The following MCPH1 variants were observed in gnomAD, a reference collection of about 807,000 sequenced individuals.
The protein encoded by MCPH1 is microcephalin 1.
Under a neutral mutation model 84.5 loss-of-function variants are expected in MCPH1, and 104 were observed. That is an observed-to-expected ratio of 1.23 (90% CI 1.05 to 1.45). MCPH1 has a LOEUF of 1.45. Ranked by LOEUF, MCPH1 falls within the 40% of genes most tolerant of loss-of-function variation. The probability of loss-of-function intolerance (pLI) is 0.00; values close to 1 mark genes in which losing one functional copy is unlikely to be tolerated. For synonymous variants in MCPH1, 514 were observed against 366.8 expected, an observed-to-expected ratio of 1.40 and a Z score of -4.58; for missense variants, 1,498 against 1,005.7, an observed-to-expected ratio of 1.49 and a Z score of -6.62.
Position 6,563,828 on chromosome 8 carries a change from G to C in MCPH1, c.2215-57626G>C, listed in dbSNP as rs539043523. 2.8e-4 allele frequency among the ~76,000 whole-genome samples: 42 copies of C among 152,222 alleles called. 1 individual carries two copies. Among genetic ancestry groups the C allele is most frequent in the African/African-American group, 9.9e-4 (41 of 41,524 alleles). ...AAAGATCTGTTATTAAGTCACGTTA[G>C]AAACATCAGTTTCTGAGCTCTGACC... On this transcript the variant is annotated intron_variant, in intron 12 of 13. Transcript: ENST00000344683.
chr8:6,530,758 G>A lies in MCPH1; in HGVS notation c.2214+30829G>A, dbSNP rs75508285. 2.8e-4 allele frequency among the ~76,000 whole-genome samples: 43 copies of A among 152,260 alleles called. No individual in the cohort carries two copies. The East Asian group carries it at 6.9e-3, about 25-fold the overall frequency. On this transcript the variant is annotated intron_variant, in intron 12 of 13. Coordinates refer to ENST00000344683, the MANE Select transcript of MCPH1 (RefSeq NM_024596.5). ...AATTTGTTATTCTATTCTCTTATCT[G>A]TAAGTCTTTTGTTAATCTATCATTT...
At chr8:6,640,123 T>C (rs903462688) in intron 13 of MCPH1, among the ~76,000 whole-genome samples, 261 of 150,726 alleles carry the variant, frequency 1.7e-3, no homozygotes, top group African/African-American at 5.9e-3. Flanking sequence ...TGTGTGTGCG[T>C]GTGTGTGTGT....
chr8:6,470,919 G>T (rs543073291), intron 9 of MCPH1, among the ~76,000 whole-genome samples: 4 of 152,384 alleles, frequency 2.6e-5, no homozygotes, highest in South Asian at 2.1e-4. Flanking sequence ...CTACCATCCA[G>T]TTAGCAATTA....
intron 9 of MCPH1, among the ~76,000 whole-genome samples, chr8:6,467,968 G>C (rs968883729): frequency 6.6e-6 from 1 of 152,164 alleles, no homozygotes; most frequent in Non-Finnish European, 1.5e-5. Flanking sequence ...AGTAGCACTA[G>C]CCAGGAAATC....
At position 6,444,782 on chromosome 8, in the gene MCPH1, G is replaced by T. The variant is rs765416731; in HGVS notation, c.1060G>T (p.Val354Leu). ...ACATTCAAGACCCAGGAGTTCCTCA[G>T]TAAAGAGAAAAAGAGTATCACATGG... ...LIHSRPRSSSVKRKRVSHGSH... is the reference protein window; with the variant it reads ...LIHSRPRSSSLKRKRVSHGSH... Residue 354 changes from valine to leucine, a missense_variant, in exon 8 of 14, where the codon GTA becomes TTA. Coordinates refer to ENST00000344683, the MANE Select transcript of MCPH1 (RefSeq NM_024596.5). The T allele has an allele frequency of 2.5e-6, 4 of 1,614,036 alleles. No homozygotes were observed. The East Asian group carries it at 6.7e-5, about 27-fold the overall frequency.
chr8:6,475,649 C>T (rs560831172), intron 9 of MCPH1, among the ~76,000 whole-genome samples: 1 of 152,252 alleles, frequency 6.6e-6, no homozygotes, highest in East Asian at 1.9e-4. Flanking sequence ...CCCAGGTCAC[C>T]AGAAGAATGA....
intron 1 of MCPH1, 57 bp downstream of exon 1, chr8:6,406,746 C>A (rs372412607): frequency 2.8e-4 from 443 of 1,589,832 alleles, no homozygotes; most frequent in Non-Finnish European, 3.5e-4. Flanking sequence ...CGGCACCCCT[C>A]GTCGCGGGCG....
intron 12 of MCPH1, chr8:6,616,650 C>T (rs1054557645): frequency 1.8e-4 from 27 of 152,272 alleles, no homozygotes; most frequent in African/African-American, 6.0e-4. Context: ...CTTCTGGCTT[C>T]TGCCACTGCC....
At chr8:6,518,117 C>T (rs1327154684) in intron 12 of MCPH1, among the ~76,000 whole-genome samples, 1 of 152,142 alleles carries the variant, frequency 6.6e-6, no homozygotes. Flanking sequence ...GGGTGGGAAG[C>T]TTGCACTTAG....
At chr8:6,600,068 C>T (rs1027930343) in intron 12 of MCPH1, among the ~76,000 whole-genome samples, 2 of 152,238 alleles carry the variant, frequency 1.3e-5, no homozygotes, top group Admixed American at 1.3e-4. Flanking sequence ...TAATAGTTCG[C>T]TTCATGCTAA....
At chr8:6,556,592 C>A (rs899055277) in intron 12 of MCPH1, among the ~76,000 whole-genome samples, 8 of 151,900 alleles carry the variant, frequency 5.3e-5, no homozygotes, top group Non-Finnish European at 1.2e-4. Context: ...CCCCCTGGGG[C>A]AAGACTCTTG....
At chr8:6,439,119 G>A in intron 6 of MCPH1, 23 bp downstream of exon 6, 1 of 1,607,524 alleles carries the variant, frequency 6.2e-7, no homozygotes, top group Non-Finnish European at 8.5e-7. Flanking sequence ...TTTGTAAAAT[G>A]AAAATTATGC....
At chr8:6,624,787 C>A in intron 13 of MCPH1, 1 of 984,786 alleles carries the variant, frequency 1.0e-6, no homozygotes, top group Non-Finnish European at 1.2e-6. Context: ...CGTAAACCTA[C>A]AGAACACACA....
At chr8:6,642,789 A>T (rs1798018115) in intron 13 of MCPH1, 2 of 626,226 alleles carry the variant, frequency 3.2e-6, no homozygotes, top group South Asian at 3.5e-5. Flanking sequence ...AGTGTGACTG[A>T]GAACTGAATG....
intron 13 of MCPH1, chr8:6,625,818 C>A: frequency 1.0e-6 from 1 of 985,316 alleles, no homozygotes; most frequent in Non-Finnish European, 1.2e-6. Context: ...TTTTCAGTGC[C>A]TTTATATTGT....
chr8:6,437,312 C>T (rs1802798726), intron 5 of MCPH1, among the ~76,000 whole-genome samples: 1 of 152,072 alleles, frequency 6.6e-6, no homozygotes, highest in Non-Finnish European at 1.5e-5. Context: ...CTCACTACAA[C>T]CTCCACCTCC....
Position 6,576,682 on chromosome 8 carries a change from ATTTTTTTTTTTTTTTTTTTTTTTT to A in MCPH1, c.2215-44750_2215-44727del, listed in dbSNP as rs58486084. Among the ~76,000 whole-genome samples the A allele has an allele frequency of 3.1e-3, 133 of 42,348 alleles. 1 individual carries two copies. The highest frequency in any genetic ancestry group is 7.1e-3 in the African/African-American group (112 of 15,858). The allele number at this position is 42,348 out of a possible 152,430, so 27.8% of individuals were successfully genotyped here. A position where few individuals can be genotyped will look rare whatever the true frequency, so the allele number is the denominator to read the frequency against. On this transcript the variant is annotated intron_variant, in intron 12 of 13. Transcript: ENST00000344683. ...GCCACCACGCTCTGCTAATTTTTGT[ATTTTTTTTTTTTTTTTTTTTTTTT>A]TTTTTTTTTTTTTTTTTTTTTAGTA...
intron 13 of MCPH1, among the ~76,000 whole-genome samples, chr8:6,632,764 G>A (rs1006244501): frequency 1.3e-5 from 2 of 151,998 alleles, no homozygotes; most frequent in Non-Finnish European, 2.9e-5. Context: ...AGCCAAGAGT[G>A]CGCCATTGCA....
intron 13 of MCPH1, among the ~76,000 whole-genome samples, chr8:6,623,636 A>G (rs1259244726): frequency 7.1e-6 from 1 of 139,882 alleles, no homozygotes; most frequent in African/African-American, 2.6e-5. Flanking sequence ...AATCAAAAGT[A>G]ATTTTTTACT....
Sources: allele counts gnomAD v4.1 joint callset (sites outside exome capture counted in the v4.1 genomes callset), GRCh38; gene constraint gnomAD v4.1.1; transcripts MANE v1.5; gene names NCBI Gene and HGNC (gene_info 2026-07-23, HGNC 2026-07-21).